SCUBE1: variants seen among roughly 807,000 people sequenced by gnomAD.
SCUBE1 encodes signal peptide, CUB domain and EGF like domain containing 1, also known as signal peptide, CUB and EGF-like domain-containing protein 1.
Under a neutral mutation model 124.4 loss-of-function variants are expected in SCUBE1, and 59 were observed. That is an observed-to-expected ratio of 0.47 (90% CI 0.38 to 0.59). The LOEUF (loss-of-function observed/expected upper bound fraction) is 0.59, where lower values mean the gene tolerates loss of function less well. Among genes scored for constraint, SCUBE1 ranks in the 20% least tolerant of loss-of-function variants. The pLI is 0.00. For missense variants in SCUBE1, 1,150 were observed against 1,371.2 expected (o/e 0.84, Z 2.55); for synonymous variants, 545 against 550.9 (o/e 0.99, Z 0.15).
intron 7 of SCUBE1, among the ~76,000 whole-genome samples, chr22:43,233,154 C>T (rs1029303991): frequency 2.6e-5 from 4 of 152,172 alleles, no homozygotes; most frequent in Non-Finnish European, 4.4e-5. Context: ...CACCTGAGGT[C>T]GGGAGTTCCA....
rs1922673985 is a variant in SCUBE1 at position 43,234,365 on chromosome 22, G to A, written c.845-2490C>T. Among the ~76,000 whole-genome samples, 1 of 152,210 alleles carries A rather than the reference G, an allele frequency of 6.6e-6. No homozygotes were observed. On this transcript the variant is annotated intron_variant, in intron 7 of 21. Transcript: ENST00000360835. This position sits in a 1 kb window ranked among gnomAD's most constrained non-coding sequence, Gnocchi z 4.4. ...CCCAGCATCCTTAGCAAACTGAAAT[G>A]AGCTGAGGCTGCTAAGCAGACAGGG...
intron 2 of SCUBE1, among the ~76,000 whole-genome samples, chr22:43,333,034 G>A (rs565005575): frequency 6.6e-6 from 1 of 152,300 alleles, no homozygotes; most frequent in Admixed American, 6.5e-5. Context: ...GGTCTTTGAG[G>A]AGCTCACATT....
intron 7 of SCUBE1, among the ~76,000 whole-genome samples, chr22:43,235,060 G>A (rs1922702143): frequency 6.6e-6 from 1 of 152,190 alleles, no homozygotes; most frequent in Non-Finnish European, 1.5e-5. Flanking sequence ...GGCATGAGAG[G>A]GCCTTGGGAC....
At chr22:43,215,022 C>T (rs1203503272) in intron 15 of SCUBE1, among the ~76,000 whole-genome samples, 1 of 152,188 alleles carries the variant, frequency 6.6e-6, no homozygotes, top group African/African-American at 2.4e-5. Context: ...CGTGTATACA[C>T]ATCTATGCTT....
At chr22:43,227,341 G>GGGAGGGGCCAGCAGCACA in intron 10 of SCUBE1, 33 bp downstream of exon 10, 1 of 1,595,592 alleles carries the variant, frequency 6.3e-7, no homozygotes, top group Non-Finnish European at 8.5e-7. Flanking sequence ...CCAGGTGCAG[G>GGGAGGGGCCAGCAGCACA]GGAGGGGCCA....
chr22:43,206,896 C>T (rs950302095), intron 21 of SCUBE1, among the ~76,000 whole-genome samples: 1 of 152,188 alleles, frequency 6.6e-6, no homozygotes, highest in Non-Finnish European at 1.5e-5. Context: ...ACGTGACTGG[C>T]AGACTATGGG....
intron 6 of SCUBE1, among the ~76,000 whole-genome samples, chr22:43,247,618 C>T (rs993553559): frequency 6.6e-6 from 1 of 152,238 alleles, no homozygotes. Flanking sequence ...CAAGTCAGGG[C>T]TAACCTTGGC....
chr22:43,322,163 T>A (rs1926578661), intron 2 of SCUBE1, among the ~76,000 whole-genome samples: 1 of 152,098 alleles, frequency 6.6e-6, no homozygotes, highest in Admixed American at 6.6e-5. Context: ...TTTTGTATTT[T>A]TAATAGAGAT....
chr22:43,263,937 C>G (rs936889210), intron 4 of SCUBE1, among the ~76,000 whole-genome samples: 2 of 152,226 alleles, frequency 1.3e-5, no homozygotes, highest in Non-Finnish European at 2.9e-5. Flanking sequence ...CGGAAAGACC[C>G]TTTCCGCTGG....
rs183802250 is a variant in SCUBE1 at position 43,260,803 on chromosome 22, G to A, written c.610+1917C>T. 2.0e-4 allele frequency among the ~76,000 whole-genome samples: 31 copies of A among 152,332 alleles called. No homozygotes were observed. The East Asian group carries it at 4.4e-3, about 22-fold the overall frequency. On this transcript the variant is annotated intron_variant, in intron 5 of 21. Coordinates refer to ENST00000360835, the MANE Select transcript of SCUBE1 (RefSeq NM_173050.5). ...GGCAAGGGTTGAGCCCTTCCCTGGC[G>A]GGGGCAGCTGGGGTGAGGGTTGTGG... is the stretch of plus-strand genomic sequence containing the variant.
In SCUBE1 at chr22:43,200,397, C is replaced by T. The variant is rs2146641432; in HGVS notation, c.*3600G>A. On this transcript the variant is annotated 3_prime_UTR_variant, in exon 22 of 22. Coordinates refer to ENST00000360835, the MANE Select transcript of SCUBE1 (RefSeq NM_173050.5). ...CCCCCAGCTTCCATTTTTTCTTGGG[C>T]CTCGTTACGTGGATCCGTCCTACCT... 6.6e-6 allele frequency: 1 copy of T among 152,490 alleles called. No homozygotes were observed. The highest frequency in any genetic ancestry group is 1.9e-4 in the East Asian group (1 of 5,190). The allele number at this position is 152,490 out of a possible 1,614,324, so 9.4% of individuals were successfully genotyped here. A position where few individuals can be genotyped will look rare whatever the true frequency, so the allele number is the denominator to read the frequency against.
intron 21 of SCUBE1, 90 bp from the exon 22 acceptor site, chr22:43,204,239 C>A: frequency 8.5e-7 from 1 of 1,173,270 alleles, no homozygotes; most frequent in South Asian, 1.3e-5. Context: ...GAGAGAGATG[C>A]GCTGGCTGGT....
At chr22:43,252,477 GCA>G (rs936597608) in intron 6 of SCUBE1, among the ~76,000 whole-genome samples, 1 of 152,208 alleles carries the variant, frequency 6.6e-6, no homozygotes, top group African/African-American at 2.4e-5. Flanking sequence ...GCAGTCAAGG[GCA>G]CAGACTCTGG....
chr22:43,237,378 G>A (rs1217016563), intron 7 of SCUBE1, among the ~76,000 whole-genome samples: 1 of 152,212 alleles, frequency 6.6e-6, no homozygotes, highest in Non-Finnish European at 1.5e-5. Context: ...ATTAAGCTCT[G>A]CCTGCCCCTC....
At chr22:43,285,194 C>T (rs1025743570) in intron 4 of SCUBE1, among the ~76,000 whole-genome samples, 1 of 152,120 alleles carries the variant, frequency 6.6e-6, no homozygotes, top group African/African-American at 2.4e-5. Context: ...TGTCTGGCCC[C>T]CTGCCTGGCC....
intron 2 of SCUBE1, among the ~76,000 whole-genome samples, chr22:43,326,963 T>G (rs1005581501): frequency 1.3e-5 from 2 of 152,180 alleles, no homozygotes; most frequent in African/African-American, 4.8e-5. Flanking sequence ...CTAGCATTAT[T>G]CTTGCTTGCT....
chr22:43,229,324 C>A, intron 8 of SCUBE1, 136 bp from the exon 9 acceptor site: 1 of 674,414 alleles, frequency 1.5e-6, no homozygotes, highest in Non-Finnish European at 2.7e-6. Context: ...ACAGCACCGA[C>A]CCACAGGAAA....
chr22:43,272,736 C>T (rs1244799016), intron 4 of SCUBE1, among the ~76,000 whole-genome samples: 4 of 152,270 alleles, frequency 2.6e-5, no homozygotes, highest in East Asian at 3.9e-4. Flanking sequence ...GCCACAGCTC[C>T]GAGAGAAATT....
At chr22:43,277,982 T>A (rs1329159450) in intron 4 of SCUBE1, among the ~76,000 whole-genome samples, 1 of 152,208 alleles carries the variant, frequency 6.6e-6, no homozygotes, top group Non-Finnish European at 1.5e-5. Flanking sequence ...GTTCTGCAGC[T>A]TAGGGGAAAT....
Sources: allele counts gnomAD v4.1 joint callset (sites outside exome capture counted in the v4.1 genomes callset), GRCh38; gene constraint gnomAD v4.1.1; non-coding constraint Gnocchi (gnomAD v3.1); transcripts MANE v1.5; gene names NCBI Gene and HGNC (gene_info 2026-07-23, HGNC 2026-07-21).